Variants in RASSF8 observed in about 807,000 individuals in gnomAD.
The protein encoded by RASSF8 is Ras association domain family member 8, also known as ras association domain-containing protein 8.
A neutral mutation model predicts 48.5 loss-of-function variants in RASSF8; 22 were observed. The observed-to-expected ratio is 0.45, with a 90% CI of 0.32 to 0.65. The LOEUF (loss-of-function observed/expected upper bound fraction) is 0.65, where lower values mean the gene tolerates loss of function less well. RASSF8 is among the 30% of genes least tolerant of loss of function. The pLI is 0.03. For synonymous variants in RASSF8, 127 were observed against 171.5 expected (o/e 0.74, Z 2.03); for missense variants, 418 against 489.2 (o/e 0.85, Z 1.37).
intron 2 of RASSF8, among the ~76,000 whole-genome samples, chr12:26,013,784 TA>T (rs556080253): frequency 2.6e-5 from 4 of 152,186 alleles, no homozygotes; most frequent in Non-Finnish European, 4.4e-5. Context: ...TTCATGTTGA[TA>T]AAAAAATCCT....
At chr12:25,984,096 CA>C (rs1941811009) in intron 1 of RASSF8, among the ~76,000 whole-genome samples, 1 of 152,106 alleles carries the variant, frequency 6.6e-6, no homozygotes, top group South Asian at 2.1e-4. Flanking sequence ...GGGTCTGGCC[CA>C]GTCACCAAGG....
downstream of RASSF8, among the ~76,000 whole-genome samples, chr12:26,077,538 T>A (rs577805852): frequency 6.6e-6 from 1 of 152,154 alleles, no homozygotes; most frequent in East Asian, 1.9e-4. Flanking sequence ...CCCATTTCTT[T>A]TTTTTGTCAG....
chr12:26,030,703 AAAC>A (rs914475862), intron 2 of RASSF8, among the ~76,000 whole-genome samples: 11 of 150,890 alleles, frequency 7.3e-5, no homozygotes, highest in African/African-American at 2.4e-4. Context: ...TTTTTTTCCT[AAAC>A]TTAGATTTTA....
chr12:26,016,691 G>A (rs1942658970), intron 2 of RASSF8, among the ~76,000 whole-genome samples: 1 of 152,180 alleles, frequency 6.6e-6, no homozygotes, highest in Non-Finnish European at 1.5e-5. Flanking sequence ...AAATTAGTTT[G>A]TTGGCAGTTA....
At chr12:26,063,680 G>A (rs997590002) in intron 3 of RASSF8, among the ~76,000 whole-genome samples, 6 of 151,616 alleles carry the variant, frequency 4.0e-5, no homozygotes, top group South Asian at 2.1e-4. Flanking sequence ...GATTACAGGT[G>A]TGAGCCACTG....
chr12:26,071,456 A>G lies in RASSF8; in HGVS notation c.*2638A>G, dbSNP rs1943998705. The G allele has an allele frequency of 1.1e-6, 1 of 945,608 alleles. No individual in the cohort carries two copies. The highest frequency in any genetic ancestry group is 1.8e-5 in the African/African-American group (1 of 56,228). 58.6% of individuals were successfully genotyped at this position (945,608 alleles called of 1,614,324 possible). A position where few individuals can be genotyped will look rare whatever the true frequency, so the allele number is the denominator to read the frequency against. On this transcript the variant is annotated 3_prime_UTR_variant, in exon 6 of 6. Coordinates refer to ENST00000689635, the MANE Select transcript of RASSF8 (RefSeq NM_001394098.1). ...TGTTTTATTGTGATTTTCTACAAGT[A>G]TTAAATACATTTAAAGATCTTTTTA...
chr12:26,063,410 T>G (rs140224289), intron 3 of RASSF8, among the ~76,000 whole-genome samples: 62 of 152,222 alleles, frequency 4.1e-4, no homozygotes, highest in South Asian at 2.1e-3. Context: ...GTTTTGTTTT[T>G]TTTTTGAGAC....
chr12:26,022,673 T>G (rs1942813880), intron 2 of RASSF8, among the ~76,000 whole-genome samples: 1 of 148,770 alleles, frequency 6.7e-6, no homozygotes, highest in Admixed American at 6.8e-5. Context: ...AGAATCAAAT[T>G]GAAATTCTAG....
intron 2 of RASSF8, among the ~76,000 whole-genome samples, chr12:26,032,510 T>A (rs554718146): frequency 4.6e-5 from 7 of 152,250 alleles, no homozygotes; most frequent in East Asian, 1.9e-4. Flanking sequence ...ACATGTGAAT[T>A]TTTAGGAAGG....
At chr12:25,961,498 G>A (rs1941233568) in intron 1 of RASSF8, among the ~76,000 whole-genome samples, 1 of 152,268 alleles carries the variant, frequency 6.6e-6, no homozygotes, top group East Asian at 1.9e-4. Flanking sequence ...TGTAGAGAGA[G>A]TTTCCAAGTA....
Position 26,069,569 on chromosome 12 carries a change from A to G in RASSF8, c.*751A>G, listed in dbSNP as rs1417946117. ...TTCAGACACTGTTGAACAAAAATGTAATTGGTAAGTATGTATCCAAACAGG... is the reference window on the plus strand; with the variant it reads ...TTCAGACACTGTTGAACAAAAATGTGATTGGTAAGTATGTATCCAAACAGG... On this transcript the variant is annotated 3_prime_UTR_variant, in exon 6 of 6. Coordinates refer to ENST00000689635, the MANE Select transcript of RASSF8 (RefSeq NM_001394098.1). 2.5e-5 allele frequency: 25 copies of G among 985,342 alleles called. No homozygotes were observed. The highest frequency in any genetic ancestry group is 3.0e-5 in the Non-Finnish European group (25 of 829,948). The allele number at this position is 985,342 out of a possible 1,614,324, so 61.0% of individuals were successfully genotyped here. A position where few individuals can be genotyped will look rare whatever the true frequency, so the allele number is the denominator to read the frequency against.
intron 2 of RASSF8, among the ~76,000 whole-genome samples, chr12:26,053,829 T>A (rs1354855479): frequency 6.6e-6 from 1 of 152,192 alleles, no homozygotes; most frequent in Non-Finnish European, 1.5e-5. Context: ...CTTTCTTGTT[T>A]TTAGGATGAC....
chr12:25,970,684 G>A (rs1203250690), intron 1 of RASSF8, among the ~76,000 whole-genome samples: 3 of 152,112 alleles, frequency 2.0e-5, no homozygotes, highest in Non-Finnish European at 2.9e-5. Flanking sequence ...ACAGGACCTC[G>A]GACATCTGGC....
intron 1 of RASSF8, among the ~76,000 whole-genome samples, chr12:25,988,852 C>T (rs183604333): frequency 3.3e-5 from 5 of 152,216 alleles, no homozygotes; most frequent in East Asian, 1.9e-4. Flanking sequence ...GGAAACCTCC[C>T]GAGAATTCCT....
rs537812892 is a variant in RASSF8, at chr12:26,070,397, A to G, written c.*1579A>G. The G allele has an allele frequency of 4.1e-6, 4 of 985,364 alleles. No homozygotes were observed. The African/African-American group carries it at 7.0e-5, about 17-fold the overall frequency. The allele number at this position is 985,364 out of a possible 1,614,324, so 61.0% of individuals were successfully genotyped here. ...TGTATAGAAGCTTCTAGAGAACTGA[A>G]AGTCATAATGCAGAGTTGCCTTTTC... is the stretch of plus-strand genomic sequence containing the variant. On this transcript the variant is annotated 3_prime_UTR_variant, in exon 6 of 6. Transcript: ENST00000689635.
chr12:25,994,948 C>G (rs993240188), intron 1 of RASSF8, 89 bp from the exon 2 acceptor site: 1 of 152,136 alleles, frequency 6.6e-6, no homozygotes, highest in African/African-American at 2.4e-5. Flanking sequence ...GTGTTTTGCT[C>G]TTTGGTGATT....
intron 4 of RASSF8, among the ~76,000 whole-genome samples, chr12:26,067,196 GT>G (rs1444541948): frequency 2.0e-5 from 3 of 152,148 alleles, no homozygotes; most frequent in Non-Finnish European, 4.4e-5. Context: ...AACCTGTGGG[GT>G]TTTTTCTTTT....
intron 2 of RASSF8, among the ~76,000 whole-genome samples, chr12:26,004,116 G>A (rs1050982252): frequency 2.0e-5 from 3 of 152,216 alleles, no homozygotes; most frequent in Non-Finnish European, 4.4e-5. Context: ...GGTCAAGGCT[G>A]CAGTGAGTTG....
chr12:25,996,544 A>T (rs759600126), intron 2 of RASSF8, among the ~76,000 whole-genome samples: 1 of 152,134 alleles, frequency 6.6e-6, no homozygotes, highest in African/African-American at 2.4e-5. Context: ...TTATCCACTA[A>T]TACAGGTGGG....
Sources: allele counts gnomAD v4.1 joint callset (sites outside exome capture counted in the v4.1 genomes callset), GRCh38; gene constraint gnomAD v4.1.1; transcripts MANE v1.5; gene names NCBI Gene and HGNC (gene_info 2026-07-23, HGNC 2026-07-21).